The following SNX7 variants were observed in gnomAD, a reference collection of about 807,000 sequenced individuals.
The protein encoded by SNX7 is sorting nexin-7.
In SNX7, 35 loss-of-function variants were observed where a neutral mutation model predicts 48.4. That is an observed-to-expected ratio of 0.72 (90% CI 0.55 to 0.96). The LOEUF is 0.96. Among genes scored for constraint, SNX7 ranks in the 40% least tolerant of loss-of-function variants. The probability of loss-of-function intolerance (pLI) is 0.00; values close to 1 mark genes in which losing one functional copy is unlikely to be tolerated. For synonymous variants in SNX7, 190 were observed against 190.2 expected (o/e 1.00, Z 0.01); for missense variants, 553 against 548.9 (o/e 1.01, Z -0.07).
intron 7 of SNX7, among the ~76,000 whole-genome samples, chr1:98,721,853 T>G (rs575703478): frequency 6.6e-6 from 1 of 152,248 alleles, no homozygotes; most frequent in African/African-American, 2.4e-5. Context: ...TAAAGGACTG[T>G]GAATTTTTTT....
chr1:98,757,923 GA>G (rs1428793122), intron 8 of SNX7, among the ~76,000 whole-genome samples: 1 of 152,026 alleles, frequency 6.6e-6, no homozygotes, highest in Non-Finnish European at 1.5e-5. Flanking sequence ...TGCATTCAGT[GA>G]TTACTTCCAC....
At position 98,673,754 on chromosome 1, in the gene SNX7, C is replaced by T. The variant is rs551835919; in HGVS notation, c.181-11131C>T. On this transcript the variant is annotated intron_variant, in intron 1 of 8. Coordinates refer to ENST00000306121, the MANE Select transcript of SNX7 (RefSeq NM_015976.5). ...GTGATTTGGGGAGAATGCTTATCAT[C>T]CCTATACCACAAATTTATTCACCTG... Among the ~76,000 whole-genome samples the T allele has an allele frequency of 2.3e-3, 345 of 152,284 alleles. 1 individual carries two copies. Among genetic ancestry groups the T allele is most frequent in the Non-Finnish European group, 3.9e-3 (266 of 68,032 alleles).
At chr1:98,683,353 C>CA (rs1650606785) in intron 1 of SNX7, among the ~76,000 whole-genome samples, 1 of 152,114 alleles carries the variant, frequency 6.6e-6, no homozygotes, top group African/African-American at 2.4e-5. Context: ...CTACAACTGT[C>CA]AGTTTTTCTC....
intron 7 of SNX7, among the ~76,000 whole-genome samples, chr1:98,713,447 C>CAT (rs1557815349): frequency 6.6e-6 from 1 of 150,974 alleles, no homozygotes; most frequent in Non-Finnish European, 1.5e-5. Context: ...AGCAATAAGG[C>CAT]TTTTTTTTTG....
At chr1:98,679,054 C>G (rs189731516) in intron 1 of SNX7, among the ~76,000 whole-genome samples, 53 of 152,218 alleles carry the variant, frequency 3.5e-4, no homozygotes, top group African/African-American at 1.1e-3. Context: ...TGTGTTTTCA[C>G]ACTGCTGATA....
chr1:98,737,725 G>A (rs1028284320), intron 7 of SNX7, among the ~76,000 whole-genome samples: 4 of 152,078 alleles, frequency 2.6e-5, no homozygotes, highest in African/African-American at 9.7e-5. Context: ...AGTAGAGTTT[G>A]CAGGTTAATC....
chr1:98,693,553 A>G (rs757622290), intron 4 of SNX7, among the ~76,000 whole-genome samples: 3 of 152,204 alleles, frequency 2.0e-5, no homozygotes, highest in Non-Finnish European at 4.4e-5. Flanking sequence ...TCTACAGTCA[A>G]CAGTTTCAGT....
At chr1:98,674,307 AC>A (rs918651376) in intron 1 of SNX7, among the ~76,000 whole-genome samples, 2 of 152,200 alleles carry the variant, frequency 1.3e-5, no homozygotes, top group African/African-American at 4.8e-5. Context: ...GTATTGACTC[AC>A]GGTTCTGGAG....
At position 98,691,618 on chromosome 1, in the gene SNX7, T is replaced by C. The variant is rs1431332813; in HGVS notation, c.558T>C (p.His186=). Residue 186 remains histidine, a synonymous_variant, in exon 4 of 9, where the codon CAT becomes CAC. Coordinates refer to ENST00000306121, the MANE Select transcript of SNX7 (RefSeq NM_015976.5). The stretch of plus-strand genomic sequence containing the variant: ...TTGAGACACGCAGGAAGGCTTTACA[T>C]AAATTTTTGAACCGAATTGCTGATC... ...DFIETRRKAL[H]KFLNRIADHP... 9 of 1,612,270 alleles carry C rather than the reference T, an allele frequency of 5.6e-6. No homozygotes were observed. Among genetic ancestry groups the C allele is most frequent in the African/African-American group, 1.3e-5 (1 of 74,824 alleles).
intron 7 of SNX7, among the ~76,000 whole-genome samples, chr1:98,715,892 G>A (rs1055233647): frequency 6.6e-6 from 1 of 151,644 alleles, no homozygotes; most frequent in Non-Finnish European, 1.5e-5. Flanking sequence ...GCAGAGCTAG[G>A]GAGTATGTCT....
At chr1:98,680,341 C>T (rs1164812343) in intron 1 of SNX7, among the ~76,000 whole-genome samples, 1 of 152,198 alleles carries the variant, frequency 6.6e-6, no homozygotes, top group Non-Finnish European at 1.5e-5. Flanking sequence ...ACCTTTTCCT[C>T]CTAGGCCTGT....
In SNX7 at chr1:98,661,805, CG is replaced by C. The variant is rs1296656242; in HGVS notation, c.80del (p.Gly27AlafsTer38). ...GCCGGGGGCGCCAACGGGGAGAGCC[CG>C]GGGGGCGGCGCCCCCTTTCCGGGCA... is the stretch of plus-strand genomic sequence containing the variant. Reference protein sequence around the residue: ...LPAGGANGESPGGGAPFPGSS... With the variant: ...LPAGGANGESXGGGAPFPGSS... On this transcript the variant is annotated frameshift_variant, in exon 1 of 9. Transcript: ENST00000306121. LOFTEE classifies it high-confidence loss of function. The C allele has an allele frequency of 8.0e-7, 1 of 1,244,756 alleles. No homozygotes were observed. The highest frequency in any genetic ancestry group is 1.0e-6 in the Non-Finnish European group (1 of 986,942). The allele number at this position is 1,244,756 out of a possible 1,614,324, so 77.1% of individuals were successfully genotyped here.
intron 7 of SNX7, among the ~76,000 whole-genome samples, chr1:98,709,631 C>T (rs540398203): frequency 2.0e-5 from 3 of 152,158 alleles, no homozygotes; most frequent in African/African-American, 7.2e-5. Flanking sequence ...TCATTTACAT[C>T]TCAGCACCAG....
In SNX7 at chr1:98,661,826, C is replaced by A; in HGVS notation, c.95C>A (p.Pro32Gln). ...AGCCCGGGGGGCGGCGCCCCCTTTC[C>A]GGGCAGCAGTGGCTCTTCCGCCCTG... ...GESPGGGAPF[P>Q]GSSGSSALLQ... is the part of the protein sequence containing the mutation. The change falls in exon 1 of 9, where the codon CCG (proline) becomes CAG (glutamine). Residue 32 changes from proline (P) to glutamine (Q), a missense_variant. Coordinates refer to ENST00000306121, the MANE Select transcript of SNX7 (RefSeq NM_015976.5). The A allele has an allele frequency of 3.2e-6, 4 of 1,246,054 alleles. No homozygotes were observed. Among genetic ancestry groups the A allele is most frequent in the Non-Finnish European group, 3.0e-6 (3 of 987,286 alleles). The allele number at this position is 1,246,054 out of a possible 1,614,324, so 77.2% of individuals were successfully genotyped here.
At chr1:98,673,379 C>G (rs185440026) in intron 1 of SNX7, among the ~76,000 whole-genome samples, 2 of 152,344 alleles carry the variant, frequency 1.3e-5, no homozygotes, top group East Asian at 1.9e-4. Context: ...AGAAGCTTTC[C>G]CTGACAGCTC....
chr1:98,747,957 T>C (rs1232172616), intron 8 of SNX7, among the ~76,000 whole-genome samples: 2 of 149,950 alleles, frequency 1.3e-5, no homozygotes, highest in East Asian at 3.9e-4. Flanking sequence ...GTCTTAAATA[T>C]TTTTGTTTTA....
rs186752819 is a variant in SNX7 at position 98,734,551 on chromosome 1, C to A, written c.1126-3686C>A. 1.0e-3 allele frequency among the ~76,000 whole-genome samples: 158 copies of A among 152,172 alleles called. 3 individuals are homozygous for A. In the East Asian group the frequency reaches 0.013, roughly 12 times the overall value. ...GCTTGTAATAGGAAGATGATAATACCAAATTTGTAACATGCTTATGCAGAT... is the reference window on the plus strand; with the variant it reads ...GCTTGTAATAGGAAGATGATAATACAAAATTTGTAACATGCTTATGCAGAT... On this transcript the variant is annotated intron_variant, in intron 7 of 8. Transcript: ENST00000306121.
At chr1:98,697,294 T>G (rs2100967896) in intron 5 of SNX7, among the ~76,000 whole-genome samples, 1 of 152,134 alleles carries the variant, frequency 6.6e-6, no homozygotes, top group African/African-American at 2.4e-5. Flanking sequence ...GTTTTTAAAT[T>G]TCATATTTTT....
chr1:98,679,907 C>T (rs773195363), intron 1 of SNX7, among the ~76,000 whole-genome samples: 1 of 152,214 alleles, frequency 6.6e-6, no homozygotes, highest in Non-Finnish European at 1.5e-5. Flanking sequence ...GTCAGTGGAT[C>T]TACCATTCTG....
Sources: allele counts gnomAD v4.1 joint callset (sites outside exome capture counted in the v4.1 genomes callset), GRCh38; gene constraint gnomAD v4.1.1; transcripts MANE v1.5; gene names NCBI Gene and HGNC (gene_info 2026-07-23, HGNC 2026-07-21).